Variants in SDK1 observed in about 807,000 individuals in gnomAD.
SDK1 encodes protein sidekick-1.
In SDK1, 157 loss-of-function variants were observed where a neutral mutation model predicts 245.5. That is an observed-to-expected ratio of 0.64 (90% CI 0.56 to 0.73). The LOEUF (loss-of-function observed/expected upper bound fraction) is 0.73, where lower values mean the gene tolerates loss of function less well. Among genes scored for constraint, SDK1 ranks in the 30% least tolerant of loss-of-function variants. The pLI, the probability that SDK1 is intolerant of heterozygous loss-of-function variation, is 0.00. For synonymous variants in SDK1, 1,647 were observed against 1,278.5 expected (o/e 1.29, Z -6.15); for missense variants, 3,583 against 3,002.3 (o/e 1.19, Z -4.52).
intron 2 of SDK1, among the ~76,000 whole-genome samples, chr7:3,625,986 C>T (rs1782105386): frequency 6.8e-6 from 1 of 147,868 alleles, no homozygotes; most frequent in African/African-American, 2.5e-5. Flanking sequence ...CTCTGTCACC[C>T]AGGCTGGACT....
chr7:3,733,389 G>A (rs1199638049), intron 4 of SDK1, among the ~76,000 whole-genome samples: 1 of 152,172 alleles, frequency 6.6e-6, no homozygotes, highest in Non-Finnish European at 1.5e-5. Context: ...TATCTTATGA[G>A]TTAGTGTGCA....
intron 11 of SDK1, among the ~76,000 whole-genome samples, chr7:3,969,946 TG>T (rs1270528130): frequency 6.6e-6 from 1 of 152,248 alleles, no homozygotes; most frequent in African/African-American, 2.4e-5. Flanking sequence ...CAATGTTTCT[TG>T]TATATTAGGA....
At chr7:3,562,613 G>A (rs1779782766) in intron 1 of SDK1, among the ~76,000 whole-genome samples, 1 of 152,176 alleles carries the variant, frequency 6.6e-6, no homozygotes, top group South Asian at 2.1e-4. Context: ...GAGTCTGGAG[G>A]AAACTGGTTT....
chr7:3,734,884 C>T (rs543896876), intron 4 of SDK1, among the ~76,000 whole-genome samples: 3 of 152,244 alleles, frequency 2.0e-5, no homozygotes, highest in East Asian at 1.9e-4. Context: ...CCAAGTTCAG[C>T]ACGTAGCAAG....
chr7:3,672,078 G>C (rs1783717473), intron 4 of SDK1, among the ~76,000 whole-genome samples: 1 of 152,114 alleles, frequency 6.6e-6, no homozygotes, highest in African/African-American at 2.4e-5. Flanking sequence ...TGGGACACAG[G>C]GTCTCCTGAG....
chr7:3,731,307 C>T (rs932705126), intron 4 of SDK1, among the ~76,000 whole-genome samples: 2 of 152,184 alleles, frequency 1.3e-5, no homozygotes, highest in African/African-American at 2.4e-5. Context: ...ACAAGTGCTT[C>T]TACAAGCTGC....
intron 1 of SDK1, among the ~76,000 whole-genome samples, chr7:3,385,710 T>C (rs1243030617): frequency 2.0e-5 from 3 of 152,212 alleles, no homozygotes; most frequent in East Asian, 1.9e-4. Context: ...TATTTTCCTT[T>C]ATAATTCTTA....
chr7:4,019,412 T>A (rs1444723173), intron 17 of SDK1, among the ~76,000 whole-genome samples: 1 of 152,188 alleles, frequency 6.6e-6, no homozygotes, highest in Non-Finnish European at 1.5e-5. Context: ...GGCGAGGGAC[T>A]GTGCTTAGCT....
chr7:3,461,315 A>G (rs1478697372), intron 1 of SDK1, among the ~76,000 whole-genome samples: 1 of 152,188 alleles, frequency 6.6e-6, no homozygotes, highest in Non-Finnish European at 1.5e-5. Context: ...TCTGTTTCCC[A>G]TAAATTCTTT....
intron 2 of SDK1, among the ~76,000 whole-genome samples, chr7:3,622,846 C>A (rs1032585827): frequency 6.6e-6 from 1 of 151,808 alleles, no homozygotes; most frequent in Admixed American, 6.6e-5. Context: ...TATTATGTTC[C>A]ACGAGGGCCT....
chr7:4,012,385 T>C, intron 16 of SDK1, 150 bp downstream of exon 16: 1 of 813,074 alleles, frequency 1.2e-6, no homozygotes, highest in Non-Finnish European at 1.7e-6. Flanking sequence ...GTGGAGACTG[T>C]GGCAAACTGG....
intron 35 of SDK1, among the ~76,000 whole-genome samples, chr7:4,195,265 A>G (rs1188108211): frequency 6.6e-6 from 1 of 152,178 alleles, no homozygotes; most frequent in Non-Finnish European, 1.5e-5. Flanking sequence ...GTGATTTCTT[A>G]TAGTCACGCG....
intron 1 of SDK1, among the ~76,000 whole-genome samples, chr7:3,388,506 TC>T (rs887968966): frequency 1.3e-5 from 2 of 151,994 alleles, no homozygotes; most frequent in African/African-American, 2.4e-5. Context: ...GCTCAAGCGA[TC>T]CCCCCATCTT....
intron 1 of SDK1, among the ~76,000 whole-genome samples, chr7:3,345,817 G>A (rs1025464336): frequency 1.3e-5 from 2 of 152,034 alleles, no homozygotes; most frequent in East Asian, 1.9e-4. Context: ...ATAGCTTCTC[G>A]CAGTAATGTT....
At chr7:3,580,770 G>T (rs769957804) in intron 1 of SDK1, among the ~76,000 whole-genome samples, 6 of 151,800 alleles carry the variant, frequency 4.0e-5, no homozygotes, top group Admixed American at 2.0e-4. Context: ...AGATTGAGAC[G>T]ATCCTGGCTA....
intron 4 of SDK1, among the ~76,000 whole-genome samples, chr7:3,784,280 C>A (rs1035070249): frequency 7.5e-4 from 114 of 151,722 alleles, no homozygotes; most frequent in African/African-American, 2.7e-3. Context: ...AGGATATCCC[C>A]TTCAATAAAT....
At chr7:3,917,635 T>C (rs1222764413) in intron 5 of SDK1, among the ~76,000 whole-genome samples, 1 of 152,060 alleles carries the variant, frequency 6.6e-6, no homozygotes, top group Non-Finnish European at 1.5e-5. Flanking sequence ...TGAACCACAC[T>C]CCTTACCCAG....
intron 4 of SDK1, among the ~76,000 whole-genome samples, chr7:3,685,228 G>A (rs896407042): frequency 1.3e-4 from 20 of 149,720 alleles, no homozygotes; most frequent in African/African-American, 4.2e-4. Context: ...AAAAAAAAGA[G>A]AGAAATGAGG....
At chr7:3,805,873 A>C (rs1779228749) in intron 4 of SDK1, among the ~76,000 whole-genome samples, 1 of 152,158 alleles carries the variant, frequency 6.6e-6, no homozygotes, top group African/African-American at 2.4e-5. Context: ...CTTCTCTTTA[A>C]ACCCTTTTTC....
Sources: gnomAD v4.1 joint callset for allele counts (sites outside exome capture counted in the v4.1 genomes callset) on GRCh38, gnomAD v4.1.1 for gene constraint, MANE v1.5 for transcripts, NCBI Gene and HGNC (gene_info 2026-07-23, HGNC 2026-07-21) for gene names.